Variants in ZFP82 observed in about 807,000 individuals in gnomAD.
ZFP82 encodes ZFP82 zinc finger protein.
Under a neutral mutation model 54.0 loss-of-function variants are expected in ZFP82, and 30 were observed. That is an observed-to-expected ratio of 0.56 (90% CI 0.42 to 0.75). The LOEUF (loss-of-function observed/expected upper bound fraction) is 0.75. Among genes scored for constraint, ZFP82 ranks in the 30% least tolerant of loss-of-function variants. The probability of loss-of-function intolerance (pLI) is 0.00; values close to 1 mark genes in which losing one functional copy is unlikely to be tolerated. For synonymous variants in ZFP82, 194 were observed against 209.5 expected (o/e 0.93, Z 0.64); for missense variants, 500 against 636.8 (o/e 0.79, Z 2.31).
downstream of ZFP82, among the ~76,000 whole-genome samples, chr19:36,388,623 T>G (rs1248691669): frequency 6.6e-6 from 1 of 152,216 alleles, no homozygotes; most frequent in Non-Finnish European, 1.5e-5. Context: ...ATTATGTAGC[T>G]ATTTCACTTT....
chr19:36,399,784 C>T (rs1365427874), intron 4 of ZFP82, among the ~76,000 whole-genome samples: 1 of 151,792 alleles, frequency 6.6e-6, no homozygotes, highest in Admixed American at 6.6e-5. Context: ...TCTCAGCTGT[C>T]GAAAATTAAG....
intron 4 of ZFP82, 46 bp downstream of exon 4, chr19:36,405,534 G>T: frequency 7.0e-7 from 1 of 1,420,322 alleles, no homozygotes; most frequent in Non-Finnish European, 9.9e-7. Flanking sequence ...CCAGTGATCT[G>T]GGGTTCCCTG....
At chr19:36,416,168 T>G (rs2032665839) in intron 1 of ZFP82, among the ~76,000 whole-genome samples, 2 of 152,216 alleles carry the variant, frequency 1.3e-5, no homozygotes, top group South Asian at 4.1e-4. Flanking sequence ...TAACAGTATT[T>G]ATTAATGGCA....
chr19:36,412,768 T>C (rs1253129163), intron 1 of ZFP82, among the ~76,000 whole-genome samples: 3 of 152,178 alleles, frequency 2.0e-5, no homozygotes, highest in African/African-American at 7.2e-5. Flanking sequence ...AGGAACCCCA[T>C]GAGTTTGGTA....
intron 4 of ZFP82, among the ~76,000 whole-genome samples, chr19:36,403,964 A>C (rs2032439397): frequency 6.6e-6 from 1 of 152,212 alleles, no homozygotes; most frequent in Admixed American, 6.5e-5. Flanking sequence ...CAACTAAAAG[A>C]GTCTTCCCAG....
At chr19:36,402,001 AG>A (rs1180762452) in intron 4 of ZFP82, among the ~76,000 whole-genome samples, 1 of 152,236 alleles carries the variant, frequency 6.6e-6, no homozygotes, top group African/African-American at 2.4e-5. Flanking sequence ...TAGAAAAGAA[AG>A]AAAAAAAATA....
chr19:36,409,690 A>C lies in ZFP82; in HGVS notation c.9+91T>G, dbSNP rs906216069. The stretch of plus-strand genomic sequence containing the variant: ...GGAAGAACTGGAAGAAGGTTCTTGG[A>C]TGGAGCTCTGATAGTAAGGAAGTTT... On this transcript the variant is annotated intron_variant, in intron 2 of 4. Coordinates refer to ENST00000392161, the MANE Select transcript of ZFP82 (RefSeq NM_133466.4). The C allele has an allele frequency of 4.3e-6, 6 of 1,398,674 alleles. No individual in the cohort carries two copies. The African/African-American group carries it at 8.5e-5, about 20-fold the overall frequency. The allele number at this position is 1,398,674 out of a possible 1,614,324, so 86.6% of individuals were successfully genotyped here. A position where few individuals can be genotyped will look rare whatever the true frequency, so the allele number is the denominator to read the frequency against.
chr19:36,396,604 C>A (rs1457625054), intron 4 of ZFP82, among the ~76,000 whole-genome samples: 2 of 151,750 alleles, frequency 1.3e-5, no homozygotes, highest in African/African-American at 2.4e-5. Context: ...TGCAGTGAGC[C>A]GAGATCGCGC....
At position 36,393,664 on chromosome 19, in the gene ZFP82, A is replaced by C; in HGVS notation, c.676T>G (p.Tyr226Asp). 1 of 1,614,142 alleles carries C rather than the reference A, an allele frequency of 6.2e-7. No individual in the cohort carries two copies. The highest frequency in any genetic ancestry group is 1.1e-5 in the South Asian group (1 of 91,086). The change falls in exon 5 of 5, where the codon TAT (tyrosine) becomes GAT (aspartate). Residue 226 changes from tyrosine to aspartate, a missense_variant. Transcript: ENST00000392161. ...GCTTCCCCACATTCCTTACATTCAT[A>C]GAGTTTTTCACCAGAATGAAGTCTC... ...HQRLHSGEKL[Y>D]ECKECGEAFI...
chr19:36,386,408 T>C (rs560303451), downstream of ZFP82, among the ~76,000 whole-genome samples: 1 of 152,302 alleles, frequency 6.6e-6, no homozygotes, highest in East Asian at 1.9e-4. Flanking sequence ...GTCAGATTTG[T>C]CCATGAGCAG....
intron 1 of ZFP82, among the ~76,000 whole-genome samples, chr19:36,417,889 CG>C (rs1180485921): frequency 6.6e-6 from 1 of 152,056 alleles, no homozygotes; most frequent in African/African-American, 2.4e-5. Flanking sequence ...TGGGCGGGAG[CG>C]GGGGCTCGTT....
downstream of ZFP82, among the ~76,000 whole-genome samples, chr19:36,387,548 A>T (rs1477548254): frequency 6.6e-6 from 1 of 152,098 alleles, no homozygotes; most frequent in Non-Finnish European, 1.5e-5. Context: ...CCAGCCTCTT[A>T]ATGTTGGAAT....
intron 2 of ZFP82, 98 bp downstream of exon 2, chr19:36,409,683 T>G: frequency 7.6e-7 from 1 of 1,322,348 alleles, no homozygotes; most frequent in Non-Finnish European, 1.1e-6. Flanking sequence ...TGGAAGAAGG[T>G]TCTTGGATGG....
Position 36,393,471 on chromosome 19 carries a change from G to C in ZFP82, c.869C>G (p.Ala290Gly), listed in dbSNP as rs534078563. 2.5e-6 allele frequency: 4 copies of C among 1,613,914 alleles called. No individual in the cohort carries two copies. Among genetic ancestry groups the C allele is most frequent in the East Asian group, 2.2e-5 (1 of 44,878 alleles). The change falls in exon 5 of 5, where the codon GCC becomes GGC. Residue 290 changes from alanine to glycine, a missense_variant. By Grantham distance (60) the Ala-to-Gly change is moderately conservative. Transcript: ENST00000392161. ...AGTCAGGTGTGCGTACTGTCTAAAGGCTTTTCCACACTCTTTACACACATA... is the reference window on the plus strand; with the variant it reads ...AGTCAGGTGTGCGTACTGTCTAAAGCCTTTTCCACACTCTTTACACACATA... ...KPYVCKECGK[A>G]FRQYAHLTRH...
chr19:36,409,117 C>G (rs1568490074), intron 2 of ZFP82, among the ~76,000 whole-genome samples: 1 of 152,086 alleles, frequency 6.6e-6, no homozygotes, highest in Non-Finnish European at 1.5e-5. Context: ...GAATCTTGTT[C>G]CTGAGTGTAA....
In ZFP82 at chr19:36,401,060, C is replaced by CT. The variant is rs3086001; in HGVS notation, c.229+4519dup. 5.5e-4 allele frequency among the ~76,000 whole-genome samples: 81 copies of CT among 146,676 alleles called. 1 individual carries two copies. Among genetic ancestry groups the CT allele is most frequent in the Admixed American group, 1.6e-3 (23 of 14,796 alleles). ...TATTTTATCTCAATGGCTGCCCCTT[C>CT]TTTTTTTTTTTTTTTAATTTTTTTA... is the stretch of plus-strand genomic sequence containing the variant. On this transcript the variant is annotated intron_variant, in intron 4 of 4. Coordinates refer to ENST00000392161, the MANE Select transcript of ZFP82 (RefSeq NM_133466.4).
At chr19:36,417,064 C>T (rs1484092925) in intron 1 of ZFP82, among the ~76,000 whole-genome samples, 1 of 104,402 alleles carries the variant, frequency 9.6e-6, no homozygotes, top group East Asian at 2.4e-4. Flanking sequence ...CAGAGCAAGA[C>T]CCTGTCTCAA....
intron 4 of ZFP82, among the ~76,000 whole-genome samples, chr19:36,400,043 T>C (rs1347288802): frequency 1.3e-5 from 2 of 152,210 alleles, no homozygotes; most frequent in African/African-American, 2.4e-5. Context: ...AAATAATACT[T>C]TTATGGTATG....
intron 4 of ZFP82, among the ~76,000 whole-genome samples, chr19:36,397,381 C>A (rs369476839): frequency 6.6e-6 from 1 of 151,946 alleles, no homozygotes. Context: ...GCGTGAGCCA[C>A]CGCGCCTGGC....
Sources: allele counts gnomAD v4.1 joint callset (sites outside exome capture counted in the v4.1 genomes callset), GRCh38; gene constraint gnomAD v4.1.1; transcripts MANE v1.5; gene names NCBI Gene and HGNC (gene_info 2026-07-23, HGNC 2026-07-21).